Variants in HMCN1 observed in about 807,000 individuals in gnomAD.
HMCN1 encodes hemicentin 1, also known as hemicentin-1.
In HMCN1, 321 loss-of-function variants were observed where a neutral mutation model predicts 625.9. That is an observed-to-expected ratio of 0.51 (90% CI 0.47 to 0.56). The LOEUF (loss-of-function observed/expected upper bound fraction) is 0.56. Among genes scored for constraint, HMCN1 ranks in the 20% least tolerant of loss-of-function variants. HMCN1 has a pLI of 0.00. For synonymous variants in HMCN1, 2,425 were observed against 2,417.6 expected, an observed-to-expected ratio of 1.00 and a Z score of -0.09; for missense variants, 6,588 against 6,887.3, an observed-to-expected ratio of 0.96 and a Z score of 1.54.
At chr1:185,794,204 T>C (rs1421569462) in intron 1 of HMCN1, among the ~76,000 whole-genome samples, 1 of 152,072 alleles carries the variant, frequency 6.6e-6, no homozygotes, top group Non-Finnish European at 1.5e-5. Flanking sequence ...TTGTTGAAAA[T>C]AGCAAGAACA....
chr1:185,925,887 T>C (rs535236621), intron 9 of HMCN1, among the ~76,000 whole-genome samples: 209 of 152,188 alleles, frequency 1.4e-3, no homozygotes, highest in African/African-American at 4.7e-3. Flanking sequence ...CTGAAGCCCA[T>C]TGAGCCAGGA....
intron 105 of HMCN1, among the ~76,000 whole-genome samples, chr1:186,186,665 T>C (rs779994286): frequency 3.6e-4 from 55 of 152,292 alleles, no homozygotes; most frequent in South Asian, 1.5e-3. Flanking sequence ...GCAATCTGTT[T>C]TTGTAAATCA....
chr1:186,052,427 C>T (rs1421631380), intron 42 of HMCN1, among the ~76,000 whole-genome samples: 1 of 152,150 alleles, frequency 6.6e-6, no homozygotes, highest in African/African-American at 2.4e-5. Context: ...CAGAGAGAAG[C>T]TGTAGGCCAG....
intron 4 of HMCN1, among the ~76,000 whole-genome samples, chr1:185,889,388 A>G (rs1238099991): frequency 6.8e-6 from 1 of 147,700 alleles, no homozygotes; most frequent in Non-Finnish European, 1.5e-5. Flanking sequence ...GTCTTGTGCC[A>G]GTATTCAAAG....
At chr1:186,099,672 G>T (rs1050041479) in intron 68 of HMCN1, among the ~76,000 whole-genome samples, 3 of 152,124 alleles carry the variant, frequency 2.0e-5, no homozygotes, top group African/African-American at 4.8e-5. Flanking sequence ...GTAGATTTCA[G>T]ATTCGATCTC....
At chr1:185,805,113 T>C (rs1659080465) in intron 1 of HMCN1, among the ~76,000 whole-genome samples, 1 of 152,174 alleles carries the variant, frequency 6.6e-6, no homozygotes, top group East Asian at 1.9e-4. Flanking sequence ...TTCCTTACAT[T>C]GATGGCAGTC....
At chr1:185,948,577 T>C (rs1454893250) in intron 11 of HMCN1, among the ~76,000 whole-genome samples, 3 of 151,412 alleles carry the variant, frequency 2.0e-5, no homozygotes, top group Non-Finnish European at 4.4e-5. Flanking sequence ...GGACCGGCCA[T>C]TTACACTTCT....
intron 1 of HMCN1, among the ~76,000 whole-genome samples, chr1:185,842,152 C>T (rs1166948717): frequency 6.6e-6 from 1 of 152,120 alleles, no homozygotes; most frequent in African/African-American, 2.4e-5. Context: ...TGTATCTACA[C>T]TTTTATCTCA....
intron 31 of HMCN1, among the ~76,000 whole-genome samples, chr1:186,015,735 C>G (rs1430679211): frequency 6.6e-6 from 1 of 152,068 alleles, no homozygotes; most frequent in African/African-American, 2.4e-5. Context: ...ACTATTTGTC[C>G]TTTATAAGCC....
At chr1:185,969,943 T>C (rs974709967) in intron 14 of HMCN1, among the ~76,000 whole-genome samples, 1 of 152,120 alleles carries the variant, frequency 6.6e-6, no homozygotes, top group African/African-American at 2.4e-5. Flanking sequence ...TTAGCAGAAA[T>C]AAAATTCCTC....
At chr1:185,878,297 G>T (rs1664082663) in intron 4 of HMCN1, among the ~76,000 whole-genome samples, 1 of 152,156 alleles carries the variant, frequency 6.6e-6, no homozygotes, top group Non-Finnish European at 1.5e-5. Flanking sequence ...GGAGTGGTGA[G>T]TGGGCATCCT....
intron 1 of HMCN1, among the ~76,000 whole-genome samples, chr1:185,745,949 G>A (rs1338611319): frequency 6.6e-6 from 1 of 152,192 alleles, no homozygotes; most frequent in Non-Finnish European, 1.5e-5. Flanking sequence ...AAAAAGGGAA[G>A]TTCATTATGG....
At chr1:185,867,077 C>G (rs950276263) in intron 4 of HMCN1, among the ~76,000 whole-genome samples, 1 of 151,980 alleles carries the variant, frequency 6.6e-6, no homozygotes. Context: ...CAAGGTGGAA[C>G]TAATAGGACA....
chr1:186,112,354 T>C (rs889814435), intron 71 of HMCN1, among the ~76,000 whole-genome samples: 1 of 152,210 alleles, frequency 6.6e-6, no homozygotes, highest in Non-Finnish European at 1.5e-5. Context: ...TTCCAGAGGC[T>C]CTAACTCTAT....
chr1:185,771,359 T>A (rs913151803), intron 1 of HMCN1, among the ~76,000 whole-genome samples: 1 of 152,142 alleles, frequency 6.6e-6, no homozygotes, highest in Admixed American at 6.6e-5. Context: ...AAGCATGAAA[T>A]GTAACCTGTT....
chr1:186,024,227 G>A (rs891562814), intron 36 of HMCN1, among the ~76,000 whole-genome samples: 3 of 152,232 alleles, frequency 2.0e-5, no homozygotes, highest in Admixed American at 6.5e-5. Flanking sequence ...TTTGCAATTG[G>A]CTGACAATGC....
In HMCN1 at chr1:186,000,128, G is replaced by A. The variant is rs1445802744; in HGVS notation, c.3958G>A (p.Gly1320Ser). The A allele has an allele frequency of 1.9e-6, 3 of 1,612,840 alleles. No individual in the cohort carries two copies. Among genetic ancestry groups the A allele is most frequent in the Non-Finnish European group, 2.5e-6 (3 of 1,179,224 alleles). Residue 1320 changes from glycine to serine, a missense_variant, in exon 26 of 107, where the codon GGC (glycine) becomes AGC (serine). Around this residue, in one of 3 missense-constraint regions of HMCN1, gnomAD observed 4,628 missense variants for 4,853.1 expected, o/e 0.95. Transcript: ENST00000271588. The stretch of plus-strand genomic sequence containing the variant: ...GCCTGGCATTTCTATCTTGGAAGAT[G>A]GCACATTGCTGGTTATTGCTTCTGT... ...REPGISILEDGTLLVIASVTP... is the reference protein window; with the variant it reads ...REPGISILEDSTLLVIASVTP...
intron 1 of HMCN1, among the ~76,000 whole-genome samples, chr1:185,787,404 T>C (rs1454456056): frequency 2.6e-5 from 4 of 151,894 alleles, no homozygotes; most frequent in Admixed American, 1.3e-4. Flanking sequence ...TCAATCAGAG[T>C]CTGGAAAGAT....
At chr1:185,877,655 ATTC>A (rs1257911214) in intron 4 of HMCN1, among the ~76,000 whole-genome samples, 3 of 151,686 alleles carry the variant, frequency 2.0e-5, no homozygotes, top group Non-Finnish European at 4.4e-5. Flanking sequence ...GTGTTTGGTA[ATTC>A]TTCTTGTAGA....
Sources: gnomAD v4.1 joint callset for allele counts (sites outside exome capture counted in the v4.1 genomes callset) on GRCh38, gnomAD v4.1.1 for gene constraint, gnomAD v4.1.1 regional missense constraint, MANE v1.5 for transcripts, NCBI Gene and HGNC (gene_info 2026-07-23, HGNC 2026-07-21) for gene names.